LRRTM4: variants seen among roughly 807,000 people sequenced by gnomAD.
LRRTM4 encodes the protein leucine rich repeat transmembrane neuronal 4.
In LRRTM4, 25 loss-of-function variants were observed where a neutral mutation model predicts 47.6. The observed-to-expected ratio is 0.53, with a 90% confidence interval of 0.38 to 0.73. The LOEUF is 0.73. LRRTM4 is among the 30% of genes least tolerant of loss of function. The pLI, the probability that LRRTM4 is intolerant of heterozygous loss-of-function variation, is 0.00. For missense variants in LRRTM4, 638 were observed against 713.4 expected (o/e 0.89, Z 1.20); for synonymous variants, 311 against 269.5 (o/e 1.15, Z -1.51).
At position 76,779,916 on chromosome 2, in the gene LRRTM4, T is replaced by A. The variant is rs1285877379; in HGVS notation, c.1552-31000A>T. Among the ~76,000 whole-genome samples the A allele has an allele frequency of 3.3e-5, 5 of 151,980 alleles. No individual in the cohort carries two copies. The South Asian group carries it at 8.3e-4, about 25-fold the overall frequency. On this transcript the variant is annotated intron_variant, in intron 3 of 3. Coordinates refer to ENST00000409884, the MANE Select transcript of LRRTM4 (RefSeq NM_001134745.3). ...GGCTGGTACCGGTTGTTCCTTTCCA[T>A]GTTTAGTGCTTCCTTCAGGAGCTCT... is the stretch of plus-strand genomic sequence containing the variant.
intron 3 of LRRTM4, among the ~76,000 whole-genome samples, chr2:76,879,876 GA>G (rs1672879860): frequency 6.6e-6 from 1 of 152,200 alleles, no homozygotes; most frequent in African/African-American, 2.4e-5. Flanking sequence ...GGGTGACTTT[GA>G]GGGGTTCATC....
chr2:77,207,246 T>C (rs1674153327), intron 3 of LRRTM4, among the ~76,000 whole-genome samples: 1 of 146,266 alleles, frequency 6.8e-6, no homozygotes, highest in African/African-American at 2.5e-5. Context: ...TATATACGTA[T>C]TTATACACAT....
intron 3 of LRRTM4, among the ~76,000 whole-genome samples, chr2:77,028,951 T>C (rs1027542307): frequency 6.7e-5 from 10 of 150,358 alleles, no homozygotes; most frequent in Admixed American, 2.7e-4. Flanking sequence ...AGGAGAATGG[T>C]GTGAACCCGG....
chr2:76,818,760 CAT>C (rs1670971460), intron 3 of LRRTM4, among the ~76,000 whole-genome samples: 1 of 151,648 alleles, frequency 6.6e-6, no homozygotes, highest in Non-Finnish European at 1.5e-5. Flanking sequence ...AGCAGCAATA[CAT>C]GTTTCCTACT....
rs148688813 is a variant in LRRTM4 at position 76,952,425 on chromosome 2, C to T, written c.1552-203509G>A. On this transcript the variant is annotated intron_variant, in intron 3 of 3. Transcript: ENST00000409884. ...CAAAAGAAGGCATACGTGTAGCCAA[C>T]AAATATGAAAAAATGCTCACTGTCT... is the stretch of plus-strand genomic sequence containing the variant. 7.0e-3 allele frequency among the ~76,000 whole-genome samples: 1,064 copies of T among 151,918 alleles called. 15 individuals carry two copies. The highest frequency in any genetic ancestry group is 7.8e-3 in the Non-Finnish European group (527 of 67,902).
intron 3 of LRRTM4, among the ~76,000 whole-genome samples, chr2:76,788,284 G>A (rs1432222488): frequency 6.6e-6 from 1 of 152,184 alleles, no homozygotes; most frequent in East Asian, 1.9e-4. Flanking sequence ...GACAACATCT[G>A]AGAGTTAGAC....
chr2:77,472,252 T>C (rs1677218633), intron 3 of LRRTM4, among the ~76,000 whole-genome samples: 1 of 152,162 alleles, frequency 6.6e-6, no homozygotes. Flanking sequence ...TGTTAGGTGA[T>C]CTTCCTTCAG....
intron 3 of LRRTM4, among the ~76,000 whole-genome samples, chr2:76,795,426 C>G (rs1675231050): frequency 7.8e-6 from 1 of 127,952 alleles, no homozygotes; most frequent in Non-Finnish European, 1.8e-5. Context: ...TTTTTACTGT[C>G]ATTATTTCCT....
intron 3 of LRRTM4, among the ~76,000 whole-genome samples, chr2:77,022,043 G>A (rs368927761): frequency 3.9e-4 from 60 of 152,158 alleles, no homozygotes; most frequent in South Asian, 1.7e-3. Context: ...AGACATACCC[G>A]AGACTGGGAA....
intron 3 of LRRTM4, among the ~76,000 whole-genome samples, chr2:77,124,529 A>G (rs373138652): frequency 9.7e-4 from 147 of 152,260 alleles, no homozygotes; most frequent in African/African-American, 3.3e-3. Flanking sequence ...GTGCTAAATG[A>G]AAGTTTTCAA....
chr2:77,503,454 T>A (rs1452718401), intron 3 of LRRTM4, among the ~76,000 whole-genome samples: 1 of 151,708 alleles, frequency 6.6e-6, no homozygotes, highest in African/African-American at 2.4e-5. Context: ...CTTTTGGAAA[T>A]GACTTTAAGA....
intron 3 of LRRTM4, among the ~76,000 whole-genome samples, chr2:76,892,800 C>T (rs941741013): frequency 5.3e-5 from 8 of 151,474 alleles, no homozygotes; most frequent in Admixed American, 5.3e-4. Flanking sequence ...TATCATTTCC[C>T]AAACACATTT....
At chr2:77,323,124 A>G (rs1026770921) in intron 3 of LRRTM4, among the ~76,000 whole-genome samples, 1 of 151,972 alleles carries the variant, frequency 6.6e-6, no homozygotes, top group Non-Finnish European at 1.5e-5. Context: ...CTGTGCTTCT[A>G]TTCCTCTTGC....
intron 3 of LRRTM4, among the ~76,000 whole-genome samples, chr2:76,861,148 T>A: frequency 6.6e-6 from 1 of 152,138 alleles, no homozygotes; most frequent in Admixed American, 6.6e-5. Flanking sequence ...TATGTTTAAA[T>A]TCAGACGAGC....
At chr2:77,220,767 T>G (rs1172506351) in intron 3 of LRRTM4, among the ~76,000 whole-genome samples, 1 of 152,218 alleles carries the variant, frequency 6.6e-6, no homozygotes, top group African/African-American at 2.4e-5. Context: ...TGGAACCAAG[T>G]TGGAAAACAC....
At position 76,806,012 on chromosome 2, in the gene LRRTM4, T is replaced by C. The variant is rs535682699; in HGVS notation, c.1552-57096A>G. 2.4e-3 allele frequency among the ~76,000 whole-genome samples: 363 copies of C among 152,268 alleles called. 2 individuals carry two copies. The highest frequency in any genetic ancestry group is 4.4e-3 in the Non-Finnish European group (298 of 68,028). On this transcript the variant is annotated intron_variant, in intron 3 of 3. Transcript: ENST00000409884. The stretch of plus-strand genomic sequence containing the variant: ...AGTTCCAGGGGTTGGGACCTGATAT[T>C]GTTGGGGGCCAGTACTCAGCCTATT...
At chr2:77,495,977 T>C (rs1364352469) in intron 3 of LRRTM4, among the ~76,000 whole-genome samples, 2 of 151,938 alleles carry the variant, frequency 1.3e-5, no homozygotes, top group African/African-American at 4.8e-5. Context: ...TGGAGATAAG[T>C]GACATCTCAA....
At chr2:77,245,933 A>G (rs917803551) in intron 3 of LRRTM4, among the ~76,000 whole-genome samples, 10 of 152,158 alleles carry the variant, frequency 6.6e-5, no homozygotes, top group African/African-American at 1.9e-4. Flanking sequence ...GATTTTGCCA[A>G]TTGCCAAGAA....
At chr2:77,191,895 C>T (rs909397775) in intron 3 of LRRTM4, among the ~76,000 whole-genome samples, 25 of 151,884 alleles carry the variant, frequency 1.6e-4, no homozygotes, top group African/African-American at 5.3e-4. Context: ...CAATATAGCT[C>T]CACCCCTAAA....
Sources: gnomAD v4.1 joint callset for allele counts (sites outside exome capture counted in the v4.1 genomes callset) on GRCh38, gnomAD v4.1.1 for gene constraint, MANE v1.5 for transcripts, NCBI Gene and HGNC (gene_info 2026-07-23, HGNC 2026-07-21) for gene names.